NLGN1: variants seen among roughly 807,000 people sequenced by gnomAD.
The protein encoded by NLGN1 is neuroligin-1.
NLGN1 carries 12 observed loss-of-function variants against 65.5 expected under a neutral mutation model. The observed-to-expected ratio is 0.18, with a 90% CI of 0.12 to 0.30. The LOEUF is 0.30. NLGN1 is among the 10% of genes least tolerant of loss of function. NLGN1 has a pLI of 1.00. For synonymous variants in NLGN1, 350 were observed against 359.5 expected (o/e 0.97, Z 0.30); for missense variants, 750 against 1,007.1 (o/e 0.74, Z 3.46).
chr3:174,203,651 C>T (rs750680834), intron 4 of NLGN1, among the ~76,000 whole-genome samples: 20 of 152,176 alleles, frequency 1.3e-4, no homozygotes, highest in Non-Finnish European at 1.3e-4. Flanking sequence ...CCCATCACCA[C>T]GCTTCCAGCA....
At chr3:173,588,854 A>G (rs995819576) in intron 2 of NLGN1, among the ~76,000 whole-genome samples, 2 of 152,176 alleles carry the variant, frequency 1.3e-5, no homozygotes, top group African/African-American at 2.4e-5. Flanking sequence ...TTTTCTTCCT[A>G]TATATAGCAA....
At chr3:173,504,713 A>C (rs1731711035) in intron 2 of NLGN1, among the ~76,000 whole-genome samples, 1 of 152,006 alleles carries the variant, frequency 6.6e-6, no homozygotes, top group South Asian at 2.1e-4. Context: ...CTTTTTCATC[A>C]CTTGATGTCA....
At chr3:174,002,596 T>C (rs1723522483) in intron 4 of NLGN1, among the ~76,000 whole-genome samples, 1 of 152,224 alleles carries the variant, frequency 6.6e-6, no homozygotes, top group South Asian at 2.1e-4. Flanking sequence ...TGAGAACTGC[T>C]GCCCCTCATG....
chr3:174,055,561 A>G (rs556774096), intron 4 of NLGN1, among the ~76,000 whole-genome samples: 136 of 152,102 alleles, frequency 8.9e-4, no homozygotes, highest in African/African-American at 3.1e-3. Flanking sequence ...GGATGTGTGA[A>G]ATCATTAAAG....
At chr3:173,746,492 G>C (rs1042756006) in intron 3 of NLGN1, among the ~76,000 whole-genome samples, 7 of 151,688 alleles carry the variant, frequency 4.6e-5, no homozygotes, top group African/African-American at 1.5e-4. Context: ...CCTTGTCCCG[G>C]TCTCTAGCTT....
chr3:174,146,652 C>G (rs1279316253), intron 4 of NLGN1, among the ~76,000 whole-genome samples: 3 of 151,650 alleles, frequency 2.0e-5, no homozygotes, highest in African/African-American at 7.3e-5. Context: ...ACTGCAACCT[C>G]CGCCTCCCGG....
chr3:173,909,205 C>T lies in NLGN1; in HGVS notation c.646+101373C>T, dbSNP rs186167187. On this transcript the variant is annotated intron_variant, in intron 4 of 6. Transcript: ENST00000457714. ...ATGCAAGGAAAGTAAGATTTGGTTT[C>T]GGGGGAGGTTCAGTTAAGATAAAAA... is the stretch of plus-strand genomic sequence containing the variant. Among the ~76,000 whole-genome samples, 25 of 151,988 alleles carry T rather than the reference C, an allele frequency of 1.6e-4. 1 individual carries two copies. In the East Asian group the frequency reaches 4.3e-3, roughly 26 times the overall value.
intron 3 of NLGN1, among the ~76,000 whole-genome samples, chr3:173,740,429 AT>A (rs1260235503): frequency 1.3e-5 from 2 of 152,128 alleles, no homozygotes; most frequent in Non-Finnish European, 2.9e-5. Flanking sequence ...CACATAGCAC[AT>A]TGTAGGATAG....
chr3:174,066,175 T>C (rs1351186325), intron 4 of NLGN1, among the ~76,000 whole-genome samples: 3 of 152,152 alleles, frequency 2.0e-5, no homozygotes, highest in Non-Finnish European at 4.4e-5. Flanking sequence ...ATACAAATAA[T>C]TTGCAGGCTA....
chr3:174,238,087 T>C lies in NLGN1; in HGVS notation c.647-37228T>C, dbSNP rs1340129719. The stretch of plus-strand genomic sequence containing the variant: ...ATCTATGTAGATTTGCATATTTTCA[T>C]ACTAGGCCACTGGAATAAGGACAGT... On this transcript the variant is annotated intron_variant, in intron 4 of 6. Transcript: ENST00000457714. Among the ~76,000 whole-genome samples, 3 of 152,224 alleles carry C rather than the reference T, an allele frequency of 2.0e-5. No individual in the cohort carries two copies. In the East Asian group the frequency reaches 5.8e-4, roughly 29 times the overall value.
chr3:174,039,571 T>C (rs6774422), intron 4 of NLGN1, among the ~76,000 whole-genome samples: 2,725 of 152,260 alleles, frequency 0.018, 56 homozygotes, highest in Middle Eastern at 0.058. Context: ...ATGATTTTTC[T>C]TTTTCCTTTG....
intron 4 of NLGN1, among the ~76,000 whole-genome samples, chr3:174,221,598 C>T (rs1738662980): frequency 8.8e-6 from 1 of 113,166 alleles, no homozygotes; most frequent in Non-Finnish European, 2.0e-5. Flanking sequence ...AATAAACATA[C>T]ATTAATTTTT....
At chr3:173,437,694 C>T (rs372776349) in intron 2 of NLGN1, among the ~76,000 whole-genome samples, 14 of 152,084 alleles carry the variant, frequency 9.2e-5, no homozygotes, top group African/African-American at 2.4e-4. Flanking sequence ...TATCGTGCAT[C>T]GTGTGTTGTT....
chr3:173,680,972 A>G (rs1367852159), intron 3 of NLGN1, among the ~76,000 whole-genome samples: 1 of 152,140 alleles, frequency 6.6e-6, no homozygotes, highest in Non-Finnish European at 1.5e-5. Flanking sequence ...AAACCCTATA[A>G]TAATTAATTT....
intron 4 of NLGN1, among the ~76,000 whole-genome samples, chr3:173,958,479 G>A (rs1712692143): frequency 6.6e-6 from 1 of 151,614 alleles, no homozygotes. Flanking sequence ...TCAGCTCTCA[G>A]CAGGGAGGAG....
chr3:173,701,957 C>T (rs556714732), intron 3 of NLGN1, among the ~76,000 whole-genome samples: 2 of 152,238 alleles, frequency 1.3e-5, no homozygotes, highest in South Asian at 2.1e-4. Context: ...GAAGAGTTTT[C>T]GGCCGGGCGC....
chr3:173,791,452 C>T (rs1712718545), intron 3 of NLGN1, among the ~76,000 whole-genome samples: 1 of 151,638 alleles, frequency 6.6e-6, no homozygotes, highest in South Asian at 2.1e-4. Context: ...ACTGATATTA[C>T]TTATTTAGTT....
intron 4 of NLGN1, among the ~76,000 whole-genome samples, chr3:174,196,316 C>A (rs990267785): frequency 6.6e-6 from 1 of 151,764 alleles, no homozygotes; most frequent in Non-Finnish European, 1.5e-5. Context: ...TTTTTTTTCT[C>A]TTTTTTTCGC....
At chr3:173,560,110 A>T (rs891782140) in intron 2 of NLGN1, among the ~76,000 whole-genome samples, 1 of 151,820 alleles carries the variant, frequency 6.6e-6, no homozygotes, top group Admixed American at 6.6e-5. Context: ...CGCCTGGCTA[A>T]TTTTTTGTAT....
Sources: gnomAD v4.1 joint callset for allele counts (sites outside exome capture counted in the v4.1 genomes callset) on GRCh38, gnomAD v4.1.1 for gene constraint, MANE v1.5 for transcripts, NCBI Gene and HGNC (gene_info 2026-07-23, HGNC 2026-07-21) for gene names.